The following GSK3B variants were observed in gnomAD, a reference collection of about 807,000 sequenced individuals.
GSK3B encodes glycogen synthase kinase-3 beta.
In GSK3B, 15 loss-of-function variants were observed where a neutral mutation model predicts 56.4. The observed-to-expected ratio is 0.27, with a 90% CI of 0.18 to 0.41. The LOEUF (loss-of-function observed/expected upper bound fraction) is 0.41. GSK3B is among the 10% of genes least tolerant of loss of function. The pLI, the probability that GSK3B is intolerant of heterozygous loss-of-function variation, is 1.00. For missense variants in GSK3B, 300 were observed against 513.4 expected, an observed-to-expected ratio of 0.58 and a Z score of 4.02; for synonymous variants, 181 against 188.9, an observed-to-expected ratio of 0.96 and a Z score of 0.34.
chr3:119,945,125 T>C (rs2057087566), intron 3 of GSK3B, among the ~76,000 whole-genome samples: 2 of 152,186 alleles, frequency 1.3e-5, no homozygotes, highest in African/African-American at 4.8e-5. Context: ...AGAAATTCTC[T>C]CTTTGGTGGC....
intron 2 of GSK3B, among the ~76,000 whole-genome samples, chr3:119,969,275 A>G (rs1233233785): frequency 1.3e-5 from 2 of 151,452 alleles, no homozygotes; most frequent in Non-Finnish European, 2.9e-5. Context: ...CTGGGTGACA[A>G]AGCAAGACTC....
chr3:119,952,925 T>C (rs934087694), intron 2 of GSK3B, among the ~76,000 whole-genome samples: 2 of 152,070 alleles, frequency 1.3e-5, no homozygotes, highest in African/African-American at 4.8e-5. Flanking sequence ...CCACCAGATA[T>C]ATTAAATATA....
intron 3 of GSK3B, among the ~76,000 whole-genome samples, chr3:119,940,175 T>C (rs1213457578): frequency 1.3e-5 from 2 of 151,624 alleles, no homozygotes; most frequent in Non-Finnish European, 2.9e-5. Context: ...TATAAAAATA[T>C]ATATAAAACA....
chr3:119,948,921 C>T lies in GSK3B; in HGVS notation c.283-1570G>A, dbSNP rs150855045. On this transcript the variant is annotated intron_variant, in intron 2 of 10. Coordinates refer to ENST00000264235, the MANE Select transcript of GSK3B (RefSeq NM_001146156.2). ...TTCACCATGTTGGCCAGGCTGGTCTCGAACTCCTGACCTCAGACAATCCAC... is the reference window on the plus strand; with the variant it reads ...TTCACCATGTTGGCCAGGCTGGTCTTGAACTCCTGACCTCAGACAATCCAC... Among the ~76,000 whole-genome samples the T allele has an allele frequency of 5.0e-4, 76 of 152,170 alleles. No homozygotes were observed. In the East Asian group the frequency reaches 0.014, roughly 28 times the overall value.
chr3:120,074,096 G>A (rs1167061738), intron 1 of GSK3B, among the ~76,000 whole-genome samples: 1 of 152,028 alleles, frequency 6.6e-6, no homozygotes, highest in African/African-American at 2.4e-5. Flanking sequence ...CTTGAGTCTA[G>A]GAGTTCAAGA....
chr3:119,983,011 G>A (rs977944591), intron 2 of GSK3B, among the ~76,000 whole-genome samples: 2 of 152,114 alleles, frequency 1.3e-5, no homozygotes, highest in African/African-American at 2.4e-5. Context: ...TGGATCTCTC[G>A]GCAGAAACCC....
chr3:119,862,667 G>A (rs1370921340), intron 9 of GSK3B, among the ~76,000 whole-genome samples: 1 of 110,390 alleles, frequency 9.1e-6, no homozygotes. Context: ...ACTATTTCTT[G>A]TTTTTTTTTT....
intron 5 of GSK3B, among the ~76,000 whole-genome samples, chr3:119,915,199 G>A (rs1326021958): frequency 2.6e-5 from 4 of 152,042 alleles, no homozygotes; most frequent in Non-Finnish European, 4.4e-5. Context: ...CAGAAAGTTT[G>A]ATGAAATTTG....
At chr3:119,860,310 A>G (rs1476444204) in intron 9 of GSK3B, among the ~76,000 whole-genome samples, 2 of 152,198 alleles carry the variant, frequency 1.3e-5, no homozygotes, top group Admixed American at 1.3e-4. Flanking sequence ...TGACAGGAAG[A>G]AATAGAAAGA....
intron 6 of GSK3B, among the ~76,000 whole-genome samples, chr3:119,910,477 T>TA (rs111276101): frequency 0.027 from 4,016 of 151,474 alleles, 175 homozygotes; most frequent in African/African-American, 0.09. Flanking sequence ...ACTTTATTAC[T>TA]AAAAAAAAAT....
At chr3:120,016,418 A>G (rs1310749542) in intron 1 of GSK3B, among the ~76,000 whole-genome samples, 1 of 152,322 alleles carries the variant, frequency 6.6e-6, no homozygotes, top group East Asian at 1.9e-4. Flanking sequence ...CGGTGTTCAA[A>G]AAGATTTGAT....
At chr3:119,840,881 T>G (rs2055762225) in intron 10 of GSK3B, among the ~76,000 whole-genome samples, 1 of 152,192 alleles carries the variant, frequency 6.6e-6, no homozygotes, top group Non-Finnish European at 1.5e-5. Flanking sequence ...GAAATATTTC[T>G]TAAACAGCAG....
rs559212727 is a variant in GSK3B at position 120,050,920 on chromosome 3, C to T, written c.88+42427G>A. Among the ~76,000 whole-genome samples, 12 of 152,074 alleles carry T rather than the reference C, an allele frequency of 7.9e-5. No individual in the cohort carries two copies. In the South Asian group the frequency reaches 2.1e-3, roughly 26 times the overall value. ...TGAGGTCAAAATATAAACACTTAAA[C>T]GGGGTAGGTGGCTGGAGAGGTAGAG... On this transcript the variant is annotated intron_variant, in intron 1 of 10. Transcript: ENST00000264235.
chr3:120,087,738 G>A (rs1256543708), intron 1 of GSK3B, among the ~76,000 whole-genome samples: 1 of 152,024 alleles, frequency 6.6e-6, no homozygotes, highest in African/African-American at 2.4e-5. Flanking sequence ...AACCAAACAT[G>A]CTAAGAAAAC....
intron 1 of GSK3B, among the ~76,000 whole-genome samples, chr3:120,087,112 T>C (rs2107583559): frequency 6.6e-6 from 1 of 152,360 alleles, no homozygotes; most frequent in African/African-American, 2.4e-5. Flanking sequence ...TCTGCAGATA[T>C]TAGCTGCTCA....
At chr3:119,850,687 A>G (rs1472077548) in intron 9 of GSK3B, among the ~76,000 whole-genome samples, 1 of 152,212 alleles carries the variant, frequency 6.6e-6, no homozygotes, top group Admixed American at 6.5e-5. Context: ...AACTGCAGTG[A>G]AAGAATAGAA....
intron 2 of GSK3B, among the ~76,000 whole-genome samples, chr3:119,977,502 G>A (rs958772326): frequency 4.6e-5 from 7 of 152,182 alleles, no homozygotes; most frequent in Non-Finnish European, 1.0e-4. Flanking sequence ...CTTTCTTAGA[G>A]CTGTACTGGC....
At position 120,002,258 on chromosome 3, in the gene GSK3B, T is replaced by C. The variant is rs764489202; in HGVS notation, c.89-19A>G. On this transcript the variant is annotated intron_variant, in intron 1 of 10. Coordinates refer to ENST00000264235, the MANE Select transcript of GSK3B (RefSeq NM_001146156.2). ...TTGTCTCCTAAAGGAAGAAAGGAAA[T>C]TTTTTTTTCACGAGAACTGTAAGGA... is the stretch of plus-strand genomic sequence containing the variant. 2 of 1,438,532 alleles carry C rather than the reference T, an allele frequency of 1.4e-6. No homozygotes were observed. Among genetic ancestry groups the C allele is most frequent in the South Asian group, 1.5e-5 (1 of 64,590 alleles). The allele number at this position is 1,438,532 out of a possible 1,614,324, so 89.1% of individuals were successfully genotyped here. A position where few individuals can be genotyped will look rare whatever the true frequency, so the allele number is the denominator to read the frequency against.
chr3:119,942,590 G>A (rs916277123), intron 3 of GSK3B, among the ~76,000 whole-genome samples: 5 of 152,144 alleles, frequency 3.3e-5, no homozygotes, highest in African/African-American at 1.2e-4. Flanking sequence ...CTCATAACAT[G>A]GTTTTTATCA....
Sources: gnomAD v4.1 joint callset for allele counts (sites outside exome capture counted in the v4.1 genomes callset) on GRCh38, gnomAD v4.1.1 for gene constraint, MANE v1.5 for transcripts, NCBI Gene and HGNC (gene_info 2026-07-23, HGNC 2026-07-21) for gene names.